The following RBFOX1 variants were observed in gnomAD, a reference collection of about 807,000 sequenced individuals.
RBFOX1 encodes the protein RNA binding fox-1 homolog 1.
In RBFOX1, 8 loss-of-function variants were observed where a neutral mutation model predicts 57.7. The observed-to-expected ratio is 0.14, with a 90% CI of 0.08 to 0.25. The LOEUF is 0.25. RBFOX1 is among the 10% of genes least tolerant of loss of function. The probability of loss-of-function intolerance (pLI) is 1.00; values close to 1 mark genes in which losing one functional copy is unlikely to be tolerated. For missense variants in RBFOX1, 611 were observed against 548.5 expected, an observed-to-expected ratio of 1.11 and a Z score of -1.14; for synonymous variants, 326 against 222.4, an observed-to-expected ratio of 1.47 and a Z score of -4.15.
intron 1 of RBFOX1, among the ~76,000 whole-genome samples, chr16:6,142,160 C>T (rs2096721281): frequency 7.2e-6 from 1 of 138,802 alleles, no homozygotes; most frequent in African/African-American, 2.7e-5. Context: ...CTATATAACC[C>T]CCTTCAGAGA....
chr16:7,536,450 C>T (rs1242637600), intron 5 of RBFOX1, among the ~76,000 whole-genome samples: 3 of 152,074 alleles, frequency 2.0e-5, no homozygotes, highest in African/African-American at 4.8e-5. Flanking sequence ...AAAAATTAGC[C>T]AGGTGTGGTG....
chr16:6,082,004 A>C (rs1487800231), intron 1 of RBFOX1, among the ~76,000 whole-genome samples: 1 of 152,164 alleles, frequency 6.6e-6, no homozygotes, highest in Non-Finnish European at 1.5e-5. Flanking sequence ...GTGTGGAGTC[A>C]AAGCATAGTT....
chr16:6,937,363 T>C (rs964833868), intron 3 of RBFOX1, among the ~76,000 whole-genome samples: 6 of 152,224 alleles, frequency 3.9e-5, no homozygotes, highest in African/African-American at 1.4e-4. Context: ...TAGATACTTT[T>C]CTTTGTTGGT....
intron 4 of RBFOX1, among the ~76,000 whole-genome samples, chr16:7,082,408 C>G (rs769820997): frequency 3.4e-4 from 51 of 151,934 alleles, no homozygotes; most frequent in Non-Finnish European, 5.9e-4. Context: ...TGGCACAACC[C>G]TGCATCTACC....
intron 1 of RBFOX1, among the ~76,000 whole-genome samples, chr16:5,426,584 G>A (rs905333918): frequency 9.9e-5 from 15 of 152,094 alleles, no homozygotes; most frequent in Non-Finnish European, 2.1e-4. Context: ...TGATTTCTTT[G>A]CTGGAGGAAA....
rs554737725 is a variant in RBFOX1 at position 6,463,319 on chromosome 16, C to T, written c.-64+146262C>T. Among the ~76,000 whole-genome samples the T allele has an allele frequency of 1.2e-4, 18 of 152,236 alleles. No homozygotes were observed. In the South Asian group the frequency reaches 3.1e-3, roughly 26 times the overall value. On this transcript the variant is annotated intron_variant, in intron 2 of 15. Coordinates refer to ENST00000550418, the MANE Select transcript of RBFOX1 (RefSeq NM_018723.4). ...TGTGTGCATATACTCACACAGATCA[C>T]AATTTCTGAACTCTATTAACTCAGG...
At chr16:7,525,260 C>T (rs1404607722) in intron 5 of RBFOX1, among the ~76,000 whole-genome samples, 1 of 151,980 alleles carries the variant, frequency 6.6e-6, no homozygotes, top group Non-Finnish European at 1.5e-5. Flanking sequence ...AGAGATTATT[C>T]TGTATCATAT....
At chr16:7,300,063 A>T (rs1603582234) in intron 4 of RBFOX1, among the ~76,000 whole-genome samples, 2 of 152,220 alleles carry the variant, frequency 1.3e-5, no homozygotes, top group South Asian at 4.2e-4. Flanking sequence ...TTTTCAGAGC[A>T]AGTGTAGTTT....
At chr16:5,541,763 C>G (rs1020548484) in intron 2 of RBFOX1, among the ~76,000 whole-genome samples, 3 of 152,090 alleles carry the variant, frequency 2.0e-5, no homozygotes, top group African/African-American at 7.2e-5. Flanking sequence ...ATTTTTAAAA[C>G]TATTTAAACA....
chr16:6,746,317 G>A (rs945240336), intron 3 of RBFOX1, among the ~76,000 whole-genome samples: 4 of 151,854 alleles, frequency 2.6e-5, no homozygotes, highest in Non-Finnish European at 5.9e-5. Flanking sequence ...AAATATCTTT[G>A]AAAAAAACAA....
chr16:7,360,586 A>C (rs758774379), intron 4 of RBFOX1, among the ~76,000 whole-genome samples: 30 of 152,280 alleles, frequency 2.0e-4, no homozygotes, highest in Non-Finnish European at 2.6e-4. Context: ...GAGGTGTTTG[A>C]AAGGACGTTT....
intron 1 of RBFOX1, among the ~76,000 whole-genome samples, chr16:5,458,641 G>A (rs1013061555): frequency 1.3e-5 from 2 of 152,210 alleles, no homozygotes; most frequent in Non-Finnish European, 2.9e-5. Context: ...TACTGCTCTT[G>A]AAGGAAGTGC....
chr16:7,245,006 C>G (rs563146149), intron 4 of RBFOX1, among the ~76,000 whole-genome samples: 2 of 152,310 alleles, frequency 1.3e-5, no homozygotes, highest in South Asian at 4.1e-4. Context: ...GCAGCTGCTC[C>G]TCAGCTGCAT....
At chr16:5,924,092 G>A (rs1192317311) in intron 4 of RBFOX1, among the ~76,000 whole-genome samples, 1 of 152,076 alleles carries the variant, frequency 6.6e-6, no homozygotes, top group Non-Finnish European at 1.5e-5. Context: ...ATAAGCATCT[G>A]GTAGTTCCCC....
At chr16:7,191,576 A>G (rs915931137) in intron 4 of RBFOX1, among the ~76,000 whole-genome samples, 2 of 152,234 alleles carry the variant, frequency 1.3e-5, no homozygotes, top group African/African-American at 2.4e-5. Context: ...TCATCTTCAA[A>G]CCATATCAGC....
chr16:6,626,646 G>C (rs1442338047), intron 2 of RBFOX1, among the ~76,000 whole-genome samples: 1 of 152,106 alleles, frequency 6.6e-6, no homozygotes, highest in Non-Finnish European at 1.5e-5. Flanking sequence ...TGTAATCGCA[G>C]GTACTCAGGA....
chr16:7,513,006 G>A (rs533303705), intron 4 of RBFOX1, among the ~76,000 whole-genome samples: 50 of 152,306 alleles, frequency 3.3e-4, no homozygotes, highest in African/African-American at 1.2e-3. Context: ...GCTCATGTCT[G>A]TAATCCCAGC....
intron 3 of RBFOX1, among the ~76,000 whole-genome samples, chr16:6,664,902 G>C (rs537382564): frequency 7.2e-4 from 110 of 152,182 alleles, no homozygotes; most frequent in Non-Finnish European, 1.4e-3. Context: ...TCACATTCCT[G>C]TCTGTCCACA....
At chr16:6,058,343 T>A (rs1202409991) in intron 1 of RBFOX1, among the ~76,000 whole-genome samples, 1 of 151,782 alleles carries the variant, frequency 6.6e-6, no homozygotes, top group African/African-American at 2.4e-5. Context: ...CCTCCTCTCC[T>A]TCCTCCCTCT....
Sources: allele counts gnomAD v4.1 joint callset (sites outside exome capture counted in the v4.1 genomes callset), GRCh38; gene constraint gnomAD v4.1.1; transcripts MANE v1.5; gene names NCBI Gene and HGNC (gene_info 2026-07-23, HGNC 2026-07-21).